The following TARS1 variants were observed in gnomAD, a reference collection of about 807,000 sequenced individuals.
The protein encoded by TARS1 is threonyl-tRNA synthetase 1.
Under a neutral mutation model 97.7 loss-of-function variants are expected in TARS1, and 57 were observed. The ratio of observed to expected loss-of-function variants is 0.58; its 90% confidence interval spans 0.47 to 0.73. The LOEUF (loss-of-function observed/expected upper bound fraction) is 0.73. TARS1 is among the 30% of genes least tolerant of loss of function. The probability of loss-of-function intolerance (pLI) is 0.00; values close to 1 mark genes in which losing one functional copy is unlikely to be tolerated. For synonymous variants in TARS1, 312 were observed against 293.7 expected (o/e 1.06, Z -0.64); for missense variants, 806 against 888.3 (o/e 0.91, Z 1.18).
intron 1 of TARS1, 75 bp downstream of exon 1, chr5:33,441,218 C>A (rs1261108630): frequency 6.3e-7 from 1 of 1,575,448 alleles, no homozygotes; most frequent in Non-Finnish European, 8.7e-7. Flanking sequence ...GCGGCGGGAG[C>A]GGGGGGCAGG....
At chr5:33,452,418 C>T in intron 3 of TARS1, 1 of 1,535,328 alleles carries the variant, frequency 6.5e-7, no homozygotes, top group Non-Finnish European at 8.7e-7. Context: ...TCTGGAATGC[C>T]ATGGCCTCCT....
chr5:33,441,054 T>C lies in TARS1; in HGVS notation c.-33T>C. 6.2e-7 allele frequency: 1 copy of C among 1,613,602 alleles called. No homozygotes were observed. The highest frequency in any genetic ancestry group is 1.1e-5 in the South Asian group (1 of 91,078). ...TGGCTCCTCTCCTCTAGGCCGTCGCTTTCGGGTTCTCTCATCGCTTCGTCG... is the reference window on the plus strand; with the variant it reads ...TGGCTCCTCTCCTCTAGGCCGTCGCCTTCGGGTTCTCTCATCGCTTCGTCG... On this transcript the variant is annotated 5_prime_UTR_variant, in exon 1 of 19. Coordinates refer to ENST00000265112, the MANE Select transcript of TARS1 (RefSeq NM_152295.5).
Position 33,443,877 on chromosome 5 carries a change from C to T in TARS1, c.58-1447C>T, listed in dbSNP as rs73074374. On this transcript the variant is annotated intron_variant, in intron 1 of 18. Transcript: ENST00000265112. ...AAAGGCTCTATTGAATCTAAATGAA[C>T]CTTTAAAGTTTATTAAATCCAGACT... Among the ~76,000 whole-genome samples, 398 of 152,220 alleles carry T rather than the reference C, an allele frequency of 2.6e-3. 3 individuals carry two copies. Among genetic ancestry groups the T allele is most frequent in the African/African-American group, 9.2e-3 (381 of 41,534 alleles).
chr5:33,463,627 C>A, intron 16 of TARS1, 126 bp from the exon 17 acceptor site: 1 of 830,052 alleles, frequency 1.2e-6, no homozygotes. Context: ...TTTTTTAAAG[C>A]CAAGTTTTAA....
At chr5:33,458,359 T>C (rs917413882) in intron 9 of TARS1, among the ~76,000 whole-genome samples, 1 of 152,316 alleles carries the variant, frequency 6.6e-6, no homozygotes. Flanking sequence ...AGGCAGGGCA[T>C]GTGTTACACG....
chr5:33,467,079 T>G (rs1742561461), intron 18 of TARS1, 94 bp downstream of exon 18: 1 of 556,388 alleles, frequency 1.8e-6, no homozygotes, highest in Non-Finnish European at 2.9e-6. Context: ...AATCAAGAAT[T>G]TATTTAGTTC....
chr5:33,450,183 T>C (rs1369905541), intron 3 of TARS1, among the ~76,000 whole-genome samples: 1 of 152,222 alleles, frequency 6.6e-6, no homozygotes, highest in Non-Finnish European at 1.5e-5. Flanking sequence ...AATTCCCTTA[T>C]TGTGTTATTT....
chr5:33,454,791 A>G (rs1260754419), intron 4 of TARS1, among the ~76,000 whole-genome samples, 154 bp from the exon 5 acceptor site: 2 of 152,254 alleles, frequency 1.3e-5, no homozygotes, highest in Non-Finnish European at 2.9e-5. Flanking sequence ...TTGGCTATGG[A>G]TAGAAACAGT....
chr5:33,448,293 C>G (rs1163819587), intron 2 of TARS1, among the ~76,000 whole-genome samples: 1 of 152,128 alleles, frequency 6.6e-6, no homozygotes, highest in Admixed American at 6.5e-5. Flanking sequence ...GAGAAAAGAC[C>G]ACTTGCTGTA....
intron 8 of TARS1, 91 bp downstream of exon 8, chr5:33,456,318 T>G: frequency 9.6e-7 from 1 of 1,044,692 alleles, no homozygotes; most frequent in Non-Finnish European, 1.4e-6. Context: ...CCATTTTCTG[T>G]TGCACATGAA....
chr5:33,460,009 G>T (rs1343624661), intron 11 of TARS1, 148 bp downstream of exon 11: 5 of 747,548 alleles, frequency 6.7e-6, no homozygotes, highest in African/African-American at 3.6e-5. Context: ...TATATCTTCT[G>T]CACCTGATTA....
At chr5:33,440,863 A>C (rs1741047797), upstream of TARS1, 1 of 566,392 alleles carries the variant, frequency 1.8e-6, no homozygotes, top group Non-Finnish European at 3.1e-6. Flanking sequence ...TGTCACCCGA[A>C]AAGATTTTCC....
chr5:33,461,920 T>A lies in TARS1; in HGVS notation c.1644T>A (p.Ile548=). The change falls in exon 15 of 19, where the codon ATT becomes ATA. Residue 548 remains isoleucine, a synonymous_variant. Coordinates refer to ENST00000265112, the MANE Select transcript of TARS1 (RefSeq NM_152295.5). ...TTGCTTCTTAGATTGACATACAGAT[T>A]AAAGATGCGATTGGGCGGTACCACC... ...AFYGPKIDIQ[I]KDAIGRYHQC... 6.2e-7 allele frequency: 1 copy of A among 1,613,844 alleles called. No homozygotes were observed. Among genetic ancestry groups the A allele is most frequent in the Non-Finnish European group, 8.5e-7 (1 of 1,179,802 alleles).
chr5:33,462,536 T>C (rs1185902413), intron 16 of TARS1, among the ~76,000 whole-genome samples: 1 of 152,210 alleles, frequency 6.6e-6, no homozygotes, highest in Non-Finnish European at 1.5e-5. Flanking sequence ...TTTAGATGGC[T>C]TTGCTGGTTT....
rs1234574122 is a variant in TARS1, at chr5:33,455,025, A to G, written c.534A>G (p.Pro178=). The change falls in exon 5 of 19, where the codon CCA becomes CCG. Residue 178 remains proline, a synonymous_variant. Coordinates refer to ENST00000265112, the MANE Select transcript of TARS1 (RefSeq NM_152295.5). Reference sequence around the variant, plus strand: ...GTGGATGTTTATGCTACGGTCCGCCAATAGAAAATGGATTCTATTATGACA... The same window carrying G: ...GTGGATGTTTATGCTACGGTCCGCCGATAGAAAATGGATTCTATTATGACA... ...VYGGCLCYGP[P]IENGFYYDMY... 1.9e-6 allele frequency: 3 copies of G among 1,613,894 alleles called. No homozygotes were observed. Among genetic ancestry groups the G allele is most frequent in the Non-Finnish European group, 1.7e-6 (2 of 1,179,880 alleles).
intron 2 of TARS1, chr5:33,446,474 A>G (rs1377667212): frequency 5.5e-6 from 2 of 364,506 alleles, no homozygotes; most frequent in Non-Finnish European, 5.6e-6. Context: ...TGGAAATAAG[A>G]CAAAGAGTAT....
At chr5:33,467,023 C>A in intron 18 of TARS1, 38 bp downstream of exon 18, 1 of 1,341,260 alleles carries the variant, frequency 7.5e-7, no homozygotes, top group Non-Finnish European at 1.0e-6. Context: ...TTTGCCACAC[C>A]TCAGGAAAAT....
chr5:33,459,064 G>T (rs1328378973), intron 10 of TARS1, among the ~76,000 whole-genome samples: 1 of 151,634 alleles, frequency 6.6e-6, no homozygotes, highest in Non-Finnish European at 1.5e-5. Flanking sequence ...TTCACATTGG[G>T]CTATATTTGC....
chr5:33,455,123 A>G, intron 5 of TARS1, 57 bp downstream of exon 5: 1 of 1,598,758 alleles, frequency 6.3e-7, no homozygotes, highest in Non-Finnish European at 8.5e-7. Flanking sequence ...TCCATAAGTT[A>G]TTCTTAAGAG....
Sources: gnomAD v4.1 joint callset for allele counts (sites outside exome capture counted in the v4.1 genomes callset) on GRCh38, gnomAD v4.1.1 for gene constraint, MANE v1.5 for transcripts, NCBI Gene and HGNC (gene_info 2026-07-23, HGNC 2026-07-21) for gene names.